Variants in EPC1 observed in about 807,000 individuals in gnomAD.
The protein encoded by EPC1 is enhancer of polycomb 1.
Under a neutral mutation model 98.4 loss-of-function variants are expected in EPC1, and 12 were observed. The ratio of observed to expected loss-of-function variants is 0.12; its 90% CI spans 0.08 to 0.20. EPC1 has a LOEUF of 0.20. EPC1 is among the 10% of genes least tolerant of loss of function. The pLI, the probability that EPC1 is intolerant of heterozygous loss-of-function variation, is 1.00. For synonymous variants in EPC1, 357 were observed against 363.9 expected (o/e 0.98, Z 0.21); for missense variants, 729 against 990.5 (o/e 0.74, Z 3.54).
At chr10:32,288,109 T>C (rs550894681) in intron 6 of EPC1, among the ~76,000 whole-genome samples, 1 of 152,300 alleles carries the variant, frequency 6.6e-6, no homozygotes, top group South Asian at 2.1e-4. Flanking sequence ...TTACATTTTA[T>C]GTAGTTTATG....
At chr10:32,375,555 G>A (rs1172493815) in intron 1 of EPC1, among the ~76,000 whole-genome samples, 1 of 151,864 alleles carries the variant, frequency 6.6e-6, no homozygotes, top group African/African-American at 2.4e-5. Flanking sequence ...GAGGTTTATT[G>A]TTTCTAATTT....
intron 1 of EPC1, among the ~76,000 whole-genome samples, chr10:32,340,789 C>T (rs1431622595): frequency 6.6e-6 from 1 of 152,064 alleles, no homozygotes; most frequent in Admixed American, 6.6e-5. Context: ...ATGATCGTGT[C>T]ACTGCTCTCC....
intron 1 of EPC1, among the ~76,000 whole-genome samples, chr10:32,320,227 CT>C (rs201634644): frequency 8.0e-5 from 12 of 150,754 alleles, no homozygotes; most frequent in South Asian, 2.1e-4. Flanking sequence ...AGCAAAAGGA[CT>C]TTTTTTTTAA....
chr10:32,364,873 A>C (rs953215606), intron 1 of EPC1, among the ~76,000 whole-genome samples: 1 of 151,512 alleles, frequency 6.6e-6, no homozygotes, highest in African/African-American at 2.4e-5. Context: ...CAAATTCATA[A>C]GCTTTCTTAA....
chr10:32,292,009 T>C (rs1189719296), intron 5 of EPC1: 1 of 152,196 alleles, frequency 6.6e-6, no homozygotes, highest in Non-Finnish European at 1.5e-5. Flanking sequence ...CTAATTTTTC[T>C]AAAAGTAATC....
At chr10:32,314,531 A>G (rs1836441097) in intron 1 of EPC1, among the ~76,000 whole-genome samples, 1 of 152,224 alleles carries the variant, frequency 6.6e-6, no homozygotes, top group African/African-American at 2.4e-5. Context: ...TTTGCAAAAT[A>G]TATTTTCCTT....
chr10:32,377,069 G>C (rs1304853095), intron 1 of EPC1: 1 of 152,108 alleles, frequency 6.6e-6, no homozygotes, highest in Non-Finnish European at 1.5e-5. Context: ...TAAGAACAAA[G>C]ATGGAAAAGA....
At chr10:32,287,422 T>G (rs1836748875) in intron 6 of EPC1, 148 bp from the exon 7 acceptor site, 2 of 774,628 alleles carry the variant, frequency 2.6e-6, no homozygotes, top group African/African-American at 1.8e-5. Flanking sequence ...GGCCATCTTA[T>G]AGTGTAAAGT....
intron 1 of EPC1, among the ~76,000 whole-genome samples, chr10:32,356,963 G>A (rs570738566): frequency 6.6e-6 from 1 of 151,966 alleles, no homozygotes; most frequent in Non-Finnish European, 1.5e-5. Flanking sequence ...CCTGGGCGAG[G>A]GAGCGAGACT....
intron 1 of EPC1, 39 bp downstream of exon 1, chr10:32,346,724 G>C: frequency 1.9e-6 from 3 of 1,582,484 alleles, no homozygotes; most frequent in Non-Finnish European, 2.6e-6. Context: ...CAGAGGGAGC[G>C]GGCCTGACGG....
chr10:32,311,136 C>G (rs1381493389), intron 1 of EPC1, among the ~76,000 whole-genome samples: 6 of 151,964 alleles, frequency 3.9e-5, no homozygotes, highest in Non-Finnish European at 8.8e-5. Context: ...CGGTGAAACC[C>G]TGTCTCTACT....
intron 1 of EPC1, among the ~76,000 whole-genome samples, chr10:32,362,583 C>T (rs918852748): frequency 1.3e-5 from 2 of 152,182 alleles, no homozygotes; most frequent in Non-Finnish European, 2.9e-5. Context: ...TCGTGCCTCC[C>T]ATAAAGCGTG....
intron 1 of EPC1, among the ~76,000 whole-genome samples, chr10:32,339,759 T>C (rs1215695194): frequency 1.3e-5 from 2 of 152,170 alleles, no homozygotes; most frequent in Non-Finnish European, 2.9e-5. Context: ...CTGTACATGA[T>C]TTTTCATACA....
intron 1 of EPC1, among the ~76,000 whole-genome samples, chr10:32,338,944 AAT>A (rs201320777): frequency 1.9e-4 from 9 of 48,296 alleles, no homozygotes; most frequent in Non-Finnish European, 3.4e-4. Flanking sequence ...TCTCAAAAAA[AAT>A]AAATAAATAA....
chr10:32,375,293 C>T (rs1035936819), intron 1 of EPC1, among the ~76,000 whole-genome samples: 65 of 152,036 alleles, frequency 4.3e-4, no homozygotes, highest in African/African-American at 1.4e-3. Context: ...TAGATTAGCC[C>T]TGGCTAATAT....
At chr10:32,321,348 A>T (rs1836902194) in intron 1 of EPC1, among the ~76,000 whole-genome samples, 1 of 151,724 alleles carries the variant, frequency 6.6e-6, no homozygotes, top group Non-Finnish European at 1.5e-5. Flanking sequence ...TTTAATATAG[A>T]TCTGTTTTTT....
intron 2 of EPC1, among the ~76,000 whole-genome samples, chr10:32,301,096 G>GCCTA (rs796639823): frequency 6.4e-4 from 93 of 146,338 alleles, no homozygotes; most frequent in African/African-American, 2.0e-3. Flanking sequence ...CTATCTGCCT[G>GCCTA]CCTACCTACC....
chr10:32,324,228 C>A (rs910135787), intron 1 of EPC1, among the ~76,000 whole-genome samples: 1 of 151,720 alleles, frequency 6.6e-6, no homozygotes, highest in Non-Finnish European at 1.5e-5. Flanking sequence ...TGAGCCACTG[C>A]GCCCGGCCTA....
At chr10:32,308,361 G>A (rs755405054) in intron 1 of EPC1, among the ~76,000 whole-genome samples, 30 of 148,004 alleles carry the variant, frequency 2.0e-4, no homozygotes, top group Non-Finnish European at 3.4e-4. Flanking sequence ...CTGCACTCCA[G>A]CCTGGGTAAC....
Sources: gnomAD v4.1 joint callset for allele counts (sites outside exome capture counted in the v4.1 genomes callset) on GRCh38, gnomAD v4.1.1 for gene constraint, MANE v1.5 for transcripts, NCBI Gene and HGNC (gene_info 2026-07-23, HGNC 2026-07-21) for gene names.